Variants in ST6GAL1 observed in about 807,000 individuals in gnomAD.
ST6GAL1 encodes the protein beta-galactoside alpha-2,6-sialyltransferase 1.
In ST6GAL1, 20 loss-of-function variants were observed where a neutral mutation model predicts 38.0. The observed-to-expected ratio is 0.53, with a 90% CI of 0.37 to 0.77. ST6GAL1 has a LOEUF of 0.77. Among genes scored for constraint, ST6GAL1 ranks in the 30% least tolerant of loss-of-function variants. The pLI, the probability that ST6GAL1 is intolerant of heterozygous loss-of-function variation, is 0.00. For missense variants in ST6GAL1, 432 were observed against 496.4 expected (o/e 0.87, Z 1.23); for synonymous variants, 196 against 188.2 (o/e 1.04, Z -0.34).
intron 2 of ST6GAL1, among the ~76,000 whole-genome samples, chr3:186,988,010 TGTCGGCACA>T (rs1190281486): frequency 6.6e-6 from 1 of 152,204 alleles, no homozygotes; most frequent in Non-Finnish European, 1.5e-5. Flanking sequence ...CTGTTTGTGG[TGTCGGCACA>T]GTAAAATTTA....
chr3:187,065,878 T>G (rs978330527), intron 5 of ST6GAL1, among the ~76,000 whole-genome samples: 2 of 152,296 alleles, frequency 1.3e-5, no homozygotes, highest in East Asian at 1.9e-4. Flanking sequence ...CCCTGTGAGG[T>G]ATGACCACCA....
In ST6GAL1 at chr3:187,075,961, G is replaced by A; in HGVS notation, c.*158G>A. ...TGGGGACTTCAAGAGCCTGTGGTCA[G>A]GAAATCAGGTCCAGCCTTCCCTGTA... On this transcript the variant is annotated 3_prime_UTR_variant, in exon 8 of 8. Transcript: ENST00000169298. The surrounding 1 kb of genome is among the most constrained non-coding windows in gnomAD (Gnocchi z 4.1). 1 of 1,157,336 alleles carries A rather than the reference G, an allele frequency of 8.6e-7. No homozygotes were observed. Among genetic ancestry groups the A allele is most frequent in the Non-Finnish European group, 1.2e-6 (1 of 843,694 alleles). The allele number at this position is 1,157,336 out of a possible 1,614,324, so 71.7% of individuals were successfully genotyped here. A position where few individuals can be genotyped will look rare whatever the true frequency, so the allele number is the denominator to read the frequency against.
At chr3:187,031,297 C>T (rs369556035) in intron 2 of ST6GAL1, among the ~76,000 whole-genome samples, 50 of 152,224 alleles carry the variant, frequency 3.3e-4, no homozygotes, top group East Asian at 1.5e-3. Context: ...AAAGAGTCTT[C>T]GACATTTAGA....
At chr3:187,072,467 A>G (rs943787814) in intron 5 of ST6GAL1, 4 of 329,460 alleles carry the variant, frequency 1.2e-5, no homozygotes, top group African/African-American at 8.6e-5. Context: ...GGTGATTGAA[A>G]GGATTCCAGA....
chr3:186,972,501 C>T (rs892767376), intron 2 of ST6GAL1, among the ~76,000 whole-genome samples: 2 of 151,996 alleles, frequency 1.3e-5, no homozygotes, highest in South Asian at 2.1e-4. Context: ...CTGCCCGCCC[C>T]GGCCTCCCAA....
intron 1 of ST6GAL1, among the ~76,000 whole-genome samples, chr3:186,942,682 C>G (rs1452264087): frequency 6.6e-6 from 1 of 152,172 alleles, no homozygotes; most frequent in African/African-American, 2.4e-5. Context: ...GCAAAATTTA[C>G]CATCTTCTGG....
chr3:186,954,986 C>A (rs2108522789), intron 1 of ST6GAL1, among the ~76,000 whole-genome samples: 1 of 152,296 alleles, frequency 6.6e-6, no homozygotes, highest in South Asian at 2.1e-4. Context: ...AGTCTTTAAT[C>A]CATCTTGAGT....
At chr3:187,014,290 A>G (rs917316013) in intron 2 of ST6GAL1, among the ~76,000 whole-genome samples, 2 of 152,230 alleles carry the variant, frequency 1.3e-5, no homozygotes, top group African/African-American at 4.8e-5. Context: ...TCTTGGTGCA[A>G]ATGAAATTCA....
At chr3:187,005,358 C>G (rs1360732795) in intron 2 of ST6GAL1, among the ~76,000 whole-genome samples, 1 of 150,104 alleles carries the variant, frequency 6.7e-6, no homozygotes, top group Non-Finnish European at 1.5e-5. Context: ...TCAGTGCAAG[C>G]TCCACCTCCC....
chr3:186,987,741 C>T (rs538064044), intron 2 of ST6GAL1, among the ~76,000 whole-genome samples: 76 of 152,268 alleles, frequency 5.0e-4, no homozygotes, highest in African/African-American at 1.7e-3. Flanking sequence ...CAGGCAGTAA[C>T]TGAGTTGACC....
rs937182904 is a variant in ST6GAL1 at position 187,038,879 on chromosome 3, G to A, written c.-51+6G>A. 2.6e-5 allele frequency: 4 copies of A among 152,246 alleles called. No homozygotes were observed. The highest frequency in any genetic ancestry group is 9.6e-5 in the African/African-American group (4 of 41,460). The allele number at this position is 152,246 out of a possible 1,614,324, so 9.4% of individuals were successfully genotyped here. A position where few individuals can be genotyped will look rare whatever the true frequency, so the allele number is the denominator to read the frequency against. On this transcript the variant is annotated splice_donor_region_variant and intron_variant, in intron 3 of 7. Coordinates refer to ENST00000169298, the MANE Select transcript of ST6GAL1 (RefSeq NM_173216.2). ...GGGGGATTAGCCAGAAGCAGGTAAG[G>A]AACACACAGAGGCATGGGCTAGCAA...
At chr3:187,025,231 A>G (rs1470615630) in intron 2 of ST6GAL1, among the ~76,000 whole-genome samples, 1 of 152,114 alleles carries the variant, frequency 6.6e-6, no homozygotes, top group Admixed American at 6.6e-5. Flanking sequence ...CAGGAAACTG[A>G]TACAAAGTCT....
At chr3:187,067,082 T>TTTC (rs1719180408) in intron 5 of ST6GAL1, among the ~76,000 whole-genome samples, 1 of 59,668 alleles carries the variant, frequency 1.7e-5, no homozygotes, top group African/African-American at 9.4e-5. Flanking sequence ...TCTTTCTTTC[T>TTTC]TTTTTTTTTT....
intron 1 of ST6GAL1, among the ~76,000 whole-genome samples, chr3:186,944,530 G>T (rs955885937): frequency 6.6e-6 from 1 of 152,044 alleles, no homozygotes; most frequent in Non-Finnish European, 1.5e-5. Context: ...TAATTAATTG[G>T]ATCCCAAAGA....
intron 5 of ST6GAL1, chr3:187,051,618 G>A (rs2108587253): frequency 7.7e-6 from 3 of 391,808 alleles, no homozygotes; most frequent in South Asian, 7.4e-5. Flanking sequence ...CTGCTGCAAG[G>A]TCATACCTGG....
chr3:187,050,741 TG>T (rs150719001), intron 4 of ST6GAL1, among the ~76,000 whole-genome samples: 4,349 of 152,262 alleles, frequency 0.029, 235 homozygotes, highest in African/African-American at 0.099. Context: ...GGGGTTGTCT[TG>T]GATGCCATAG....
At chr3:187,027,325 C>G (rs1354966549) in intron 2 of ST6GAL1, among the ~76,000 whole-genome samples, 1 of 152,176 alleles carries the variant, frequency 6.6e-6, no homozygotes, top group Admixed American at 6.5e-5. Context: ...TTCTCAGCGA[C>G]CTGTTTCTCA....
At chr3:187,030,924 T>C (rs536952996) in intron 2 of ST6GAL1, among the ~76,000 whole-genome samples, 2 of 151,958 alleles carry the variant, frequency 1.3e-5, no homozygotes, top group East Asian at 3.9e-4. Context: ...CAACTGAAGG[T>C]GATGGGTGGG....
chr3:186,962,654 A>G lies in ST6GAL1; in HGVS notation c.-324-1131A>G, dbSNP rs184938728. On this transcript the variant is annotated intron_variant, in intron 1 of 7. Transcript: ENST00000169298. ...GCCTGAAGAATTTGGAAGCTCTTTG[A>G]CCCAGCACAGTTTTATTCCTAAGAC... 3.7e-3 allele frequency among the ~76,000 whole-genome samples: 560 copies of G among 152,252 alleles called. 3 individuals carry two copies. The highest frequency in any genetic ancestry group is 0.013 in the African/African-American group (531 of 41,540).
Sources: gnomAD v4.1 joint callset for allele counts (sites outside exome capture counted in the v4.1 genomes callset) on GRCh38, gnomAD v4.1.1 for gene constraint, Gnocchi (gnomAD v3.1) non-coding constraint, MANE v1.5 for transcripts, NCBI Gene and HGNC (gene_info 2026-07-23, HGNC 2026-07-21) for gene names.